The following CCR5AS variants were observed in gnomAD, a reference collection of about 807,000 sequenced individuals.
The protein encoded by CCR5AS is CCR5 antisense RNA.
At chr3:46,396,773 G>T (rs1007497772) in intron 1 of CCR5AS, among the ~76,000 whole-genome samples, 5 of 152,124 alleles carry the variant, frequency 3.3e-5, no homozygotes, top group Non-Finnish European at 5.9e-5. Context: ...CCCTCTGCCT[G>T]GTCCTGTCTT....
At chr3:46,393,700 C>T (rs924599318) in intron 1 of CCR5AS, among the ~76,000 whole-genome samples, 1 of 152,132 alleles carries the variant, frequency 6.6e-6, no homozygotes, top group African/African-American at 2.4e-5. Context: ...AGATAGGAGC[C>T]AGAGAGGTCA....
At chr3:46,392,640 T>C (rs1701922934) in intron 2 of CCR5AS, among the ~76,000 whole-genome samples, 1 of 152,148 alleles carries the variant, frequency 6.6e-6, no homozygotes, top group South Asian at 2.1e-4. Context: ...GGTGTCCCCA[T>C]GATGATCAGA....
chr3:46,403,816 A>C (rs553798956), intron 1 of CCR5AS, among the ~76,000 whole-genome samples: 7 of 152,378 alleles, frequency 4.6e-5, no homozygotes, highest in Admixed American at 3.9e-4. Flanking sequence ...AGTCAGCAGG[A>C]AGCCACTGTC....
intron 2 of CCR5AS, among the ~76,000 whole-genome samples, chr3:46,385,578 C>G (rs1363857463): frequency 6.6e-6 from 1 of 152,160 alleles, no homozygotes; most frequent in Non-Finnish European, 1.5e-5. Context: ...ATGGGTGGCA[C>G]CACAGCTCTG....
chr3:46,389,263 G>A (rs1346294975), intron 2 of CCR5AS, among the ~76,000 whole-genome samples: 1 of 152,244 alleles, frequency 6.6e-6, no homozygotes, highest in African/African-American at 2.4e-5. Context: ...AGAAGGAAGA[G>A]GAGAGATCAG....
chr3:46,395,279 A>C (rs1277079059), intron 1 of CCR5AS, among the ~76,000 whole-genome samples: 1 of 152,110 alleles, frequency 6.6e-6, no homozygotes, highest in Non-Finnish European at 1.5e-5. Flanking sequence ...TCCAGGTGGC[A>C]GTGTCAGGGG....
Position 46,405,756 on chromosome 3 carries a change from C to A in CCR5AS, n.163+1141G>T, listed in dbSNP as rs1049852932. Reference sequence around the variant, plus strand: ...GTGTTTCTCTTTCTGCCTTGTCTGTCGGCACACGTGGAGTTAAATTTAATG... The same window carrying A: ...GTGTTTCTCTTTCTGCCTTGTCTGTAGGCACACGTGGAGTTAAATTTAATG... On this transcript the variant is annotated intron_variant and non_coding_transcript_variant, in intron 1 of 3. Transcript: ENST00000451485. 9.2e-5 allele frequency among the ~76,000 whole-genome samples: 14 copies of A among 152,292 alleles called. No homozygotes were observed. In the South Asian group the frequency reaches 2.9e-3, roughly 32 times the overall value.
intron 3 of CCR5AS, among the ~76,000 whole-genome samples, chr3:46,366,512 C>T (rs561555999): frequency 2.0e-5 from 3 of 152,334 alleles, no homozygotes; most frequent in Admixed American, 1.3e-4. Context: ...TAAGGGGCTC[C>T]CACCAGGTTT....
At chr3:46,394,486 T>C (rs1701943263) in intron 1 of CCR5AS, among the ~76,000 whole-genome samples, 2 of 152,134 alleles carry the variant, frequency 1.3e-5, no homozygotes, top group South Asian at 4.1e-4. Flanking sequence ...CACTCTACCA[T>C]TTCCACTGCC....
intron 1 of CCR5AS, among the ~76,000 whole-genome samples, chr3:46,402,680 A>G (rs934590529): frequency 5.9e-5 from 9 of 152,336 alleles, no homozygotes; most frequent in Admixed American, 1.3e-4. Context: ...ACATTCTAAT[A>G]CCTATTTCTC....
intron 3 of CCR5AS, among the ~76,000 whole-genome samples, chr3:46,367,540 T>C (rs1235778805): frequency 6.6e-6 from 1 of 152,192 alleles, no homozygotes; most frequent in East Asian, 1.9e-4. Flanking sequence ...TTTTATACAA[T>C]GAGCATGTGT....
intron 1 of CCR5AS, among the ~76,000 whole-genome samples, chr3:46,405,050 G>A (rs908555828): frequency 6.6e-6 from 1 of 152,180 alleles, no homozygotes; most frequent in Non-Finnish European, 1.5e-5. Context: ...CACAAACAAG[G>A]AGGCCCTATT....
At chr3:46,369,524 C>T (rs1239114453) in intron 3 of CCR5AS, among the ~76,000 whole-genome samples, 2 of 152,162 alleles carry the variant, frequency 1.3e-5, no homozygotes, top group African/African-American at 2.4e-5. Flanking sequence ...ATTCTCCAAG[C>T]ACCAGCAATT....
intron 2 of CCR5AS, chr3:46,376,326 A>G (rs1447338982): frequency 6.6e-6 from 1 of 152,322 alleles, no homozygotes; most frequent in African/African-American, 2.4e-5. Flanking sequence ...TGTGTGATGT[A>G]TACAAAGAGA....
At chr3:46,403,353 T>C (rs1410548175) in intron 1 of CCR5AS, among the ~76,000 whole-genome samples, 1 of 152,186 alleles carries the variant, frequency 6.6e-6, no homozygotes, top group South Asian at 2.1e-4. Context: ...CATTTCCCCA[T>C]CCCTTCCCTG....
At chr3:46,399,867 T>C (rs1701991910) in intron 1 of CCR5AS, among the ~76,000 whole-genome samples, 1 of 151,986 alleles carries the variant, frequency 6.6e-6, no homozygotes, top group Non-Finnish European at 1.5e-5. Context: ...GATGGAAAAA[T>C]TGGATAAAGT....
chr3:46,400,187 C>T (rs1470550011), intron 1 of CCR5AS, among the ~76,000 whole-genome samples: 3 of 152,090 alleles, frequency 2.0e-5, no homozygotes, highest in South Asian at 2.1e-4. Flanking sequence ...GACAGGGTCT[C>T]GCCATGTTGC....
intron 2 of CCR5AS, among the ~76,000 whole-genome samples, chr3:46,385,708 C>A (rs1383531714): frequency 6.6e-6 from 1 of 151,994 alleles, no homozygotes; most frequent in East Asian, 1.9e-4. Flanking sequence ...AGTATGCCTG[C>A]ACTTCCCTTT....
At chr3:46,365,747 C>T (rs1163341428) in intron 3 of CCR5AS, among the ~76,000 whole-genome samples, 1 of 152,144 alleles carries the variant, frequency 6.6e-6, no homozygotes, top group Non-Finnish European at 1.5e-5. Context: ...CTTCTTCCAA[C>T]CCACCATTTT....
Sources: allele counts gnomAD v4.1 joint callset (sites outside exome capture counted in the v4.1 genomes callset), GRCh38; gene constraint gnomAD v4.1.1; transcripts MANE v1.5; gene names NCBI Gene and HGNC (gene_info 2026-07-23, HGNC 2026-07-21).